STARD13: variants seen among roughly 807,000 people sequenced by gnomAD.
The protein encoded by STARD13 is stAR-related lipid transfer protein 13.
A neutral mutation model predicts 106.4 loss-of-function variants in STARD13; 62 were observed. The observed-to-expected ratio is 0.58, with a 90% CI of 0.48 to 0.72. The LOEUF (loss-of-function observed/expected upper bound fraction) is 0.72, where lower values mean the gene tolerates loss of function less well. Ranked by LOEUF, STARD13 falls within the 30% of genes least tolerant of loss-of-function variation. STARD13 has a pLI of 0.00. For missense variants in STARD13, 1,387 were observed against 1,424.0 expected, an observed-to-expected ratio of 0.97 and a Z score of 0.42; for synonymous variants, 565 against 553.0, an observed-to-expected ratio of 1.02 and a Z score of -0.31.
chr13:33,623,643 A>T, the STARD13 span, among the ~76,000 whole-genome samples: 1 of 152,102 alleles, frequency 6.6e-6, no homozygotes, highest in African/African-American at 2.4e-5. Context: ...ATCTGCATCT[A>T]CCTGTCTATA....
rs553925886 is a variant in STARD13 at position 33,179,347 on chromosome 13, G to C, written c.170-11725C>G. Among the ~76,000 whole-genome samples the C allele has an allele frequency of 3.7e-3, 561 of 152,252 alleles. 5 individuals are homozygous for C. The highest frequency in any genetic ancestry group is 5.2e-3 in the Non-Finnish European group (357 of 68,024). On this transcript the variant is annotated intron_variant, in intron 1 of 13. Transcript: ENST00000336934. Reference sequence around the variant, plus strand: ...GCATACCTCAGTTTCTTCATCTATAGAATGGGAATAAACAGGAGTACCTAC... The same window carrying C: ...GCATACCTCAGTTTCTTCATCTATACAATGGGAATAAACAGGAGTACCTAC...
At chr13:33,466,985 G>C in the STARD13 span, among the ~76,000 whole-genome samples, 3 of 152,050 alleles carry the variant, frequency 2.0e-5, no homozygotes, top group Non-Finnish European at 4.4e-5. Context: ...ATTTTATCAA[G>C]GATATAACTT....
At chr13:33,361,974 G>A in the STARD13 span, among the ~76,000 whole-genome samples, 1 of 152,150 alleles carries the variant, frequency 6.6e-6, no homozygotes, top group Non-Finnish European at 1.5e-5. Context: ...GTCATTCACT[G>A]CTAATAATAT....
chr13:33,643,159 GCACACACACACACA>G, the STARD13 span, among the ~76,000 whole-genome samples: 706 of 139,814 alleles, frequency 5.0e-3, 4 homozygotes, highest in African/African-American at 0.012. Context: ...CATAGAACAT[GCACACACACACACA>G]CACACACACA....
intron 1 of STARD13, among the ~76,000 whole-genome samples, chr13:33,249,704 G>A (rs1890000025): frequency 6.6e-6 from 1 of 152,118 alleles, no homozygotes; most frequent in African/African-American, 2.4e-5. Flanking sequence ...TAATTCCAAT[G>A]ACAGTATCCT....
intron 7 of STARD13, among the ~76,000 whole-genome samples, chr13:33,123,685 T>C (rs903309388): frequency 6.6e-6 from 1 of 152,184 alleles, no homozygotes; most frequent in African/African-American, 2.4e-5. Context: ...AGGGCAAACA[T>C]GGACACTCTG....
intron 12 of STARD13, among the ~76,000 whole-genome samples, chr13:33,108,242 G>A (rs1874041798): frequency 6.6e-6 from 1 of 152,194 alleles, no homozygotes; most frequent in African/African-American, 2.4e-5. Context: ...ATGCTCTGAA[G>A]ACAGGAGGCA....
the STARD13 span, among the ~76,000 whole-genome samples, chr13:33,501,693 T>C: frequency 2.0e-5 from 3 of 152,174 alleles, no homozygotes; most frequent in Non-Finnish European, 4.4e-5. Context: ...TCAATGGTTG[T>C]AGATGTGTGG....
chr13:33,168,836 T>C (rs1039928841), intron 1 of STARD13, among the ~76,000 whole-genome samples: 1 of 152,130 alleles, frequency 6.6e-6, no homozygotes, highest in East Asian at 1.9e-4. Flanking sequence ...GTTAGGAAAA[T>C]AGACCAAAGG....
chr13:33,457,144 C>A, the STARD13 span, among the ~76,000 whole-genome samples: 10 of 152,170 alleles, frequency 6.6e-5, no homozygotes, highest in Admixed American at 5.9e-4. Flanking sequence ...ATGACTGTGG[C>A]AAGGAGGATA....
the STARD13 span, among the ~76,000 whole-genome samples, chr13:33,408,819 T>C: frequency 5.9e-5 from 9 of 152,218 alleles, no homozygotes; most frequent in South Asian, 1.9e-3. Flanking sequence ...CCAGGCTTAC[T>C]CTTACCTTGA....
intron 1 of STARD13, among the ~76,000 whole-genome samples, chr13:33,238,110 ACT>A (rs1230272906): frequency 6.6e-6 from 1 of 152,090 alleles, no homozygotes; most frequent in East Asian, 1.9e-4. Flanking sequence ...ATAATCTAGG[ACT>A]CTCTTTCAGA....
chr13:33,417,421 T>A, the STARD13 span, among the ~76,000 whole-genome samples: 1 of 152,284 alleles, frequency 6.6e-6, no homozygotes, highest in South Asian at 2.1e-4. Context: ...TTGTGGCAAG[T>A]ATATACCCAC....
rs1048093704 is a variant in STARD13 at position 33,141,852 on chromosome 13, C to T, written c.387+458G>A. Among the ~76,000 whole-genome samples, 12 of 151,272 alleles carry T rather than the reference C, an allele frequency of 7.9e-5. 1 individual carries two copies. Among genetic ancestry groups the T allele is most frequent in the Admixed American group, 2.0e-4 (3 of 15,156 alleles). Reference sequence around the variant, plus strand: ...CTTCTGAAAGATCACCATAAAGCACCGAGATATTTTACATCTTTACGCAAA... The same window carrying T: ...CTTCTGAAAGATCACCATAAAGCACTGAGATATTTTACATCTTTACGCAAA... On this transcript the variant is annotated intron_variant, in intron 4 of 13. Transcript: ENST00000336934.
chr13:33,667,442 A>G, the STARD13 span, among the ~76,000 whole-genome samples: 3 of 152,206 alleles, frequency 2.0e-5, no homozygotes, highest in Non-Finnish European at 4.4e-5. Context: ...TCATGTACTC[A>G]TTTTACTTTA....
chr13:33,231,880 C>A (rs1463581573), intron 1 of STARD13, among the ~76,000 whole-genome samples: 1 of 152,176 alleles, frequency 6.6e-6, no homozygotes, highest in Non-Finnish European at 1.5e-5. Context: ...TGGTTCCAGG[C>A]TCCCCTCACC....
chr13:33,174,985 G>A (rs193232582), intron 1 of STARD13, among the ~76,000 whole-genome samples: 222 of 152,222 alleles, frequency 1.5e-3, no homozygotes, highest in Admixed American at 4.3e-3. Flanking sequence ...CAAAAGCTCC[G>A]TTGCAAGTGA....
chr13:33,664,628 TGAC>T, the STARD13 span, among the ~76,000 whole-genome samples: 3 of 152,190 alleles, frequency 2.0e-5, no homozygotes, highest in Non-Finnish European at 4.4e-5. Context: ...AAAAAACTAT[TGAC>T]TCTTTTATTT....
chr13:33,422,991 C>T, the STARD13 span, among the ~76,000 whole-genome samples: 2 of 152,134 alleles, frequency 1.3e-5, no homozygotes, highest in South Asian at 4.2e-4. Context: ...CCATAAAAAC[C>T]CTAGAAGAAA....
Sources: allele counts gnomAD v4.1 joint callset (sites outside exome capture counted in the v4.1 genomes callset), GRCh38; gene constraint gnomAD v4.1.1; transcripts MANE v1.5; gene names NCBI Gene and HGNC (gene_info 2026-07-23, HGNC 2026-07-21).